Variants in IDH3B observed in about 807,000 individuals in gnomAD.
IDH3B encodes isocitrate dehydrogenase [NAD] subunit beta, mitochondrial.
Under a neutral mutation model 47.5 loss-of-function variants are expected in IDH3B, and 40 were observed. The ratio of observed to expected loss-of-function variants is 0.84; its 90% CI spans 0.65 to 1.10. The LOEUF is 1.10. Ranked by LOEUF, IDH3B falls within the 50% of genes least tolerant of loss-of-function variation. The pLI, the probability that IDH3B is intolerant of heterozygous loss-of-function variation, is 0.00. For synonymous variants in IDH3B, 185 were observed against 191.0 expected (o/e 0.97, Z 0.26); for missense variants, 450 against 505.2 (o/e 0.89, Z 1.05).
chr20:2,660,679 C>T lies in IDH3B; in HGVS notation c.531+18G>A. 1.2e-6 allele frequency: 2 copies of T among 1,614,218 alleles called. No homozygotes were observed. Among genetic ancestry groups the T allele is most frequent in the Non-Finnish European group, 1.7e-6 (2 of 1,180,042 alleles). ...TCCCATCTTCATCCTTGCCCTCCCC[C>T]AGTTTCTGGGGCCTCACCTCATGTT... is the stretch of plus-strand genomic sequence containing the variant. On this transcript the variant is annotated intron_variant, in intron 6 of 11. Transcript: ENST00000380843. The surrounding 1 kb of genome is among the most constrained non-coding windows in gnomAD (Gnocchi z 5.6).
At position 2,663,680 on chromosome 20, in the gene IDH3B, C is replaced by T. The variant is rs770148916; in HGVS notation, c.196G>A (p.Ala66Thr). The T allele has an allele frequency of 1.3e-5, 21 of 1,614,070 alleles. No individual in the cohort carries two copies. The Admixed American group carries it at 1.8e-4, about 14-fold the overall frequency. ...GDGVGPELMH[A>T]VKEVFKAAAV... ...CTCACCTTGAACACCTCCTTGACGG[C>T]GTGCATCAGCTCAGGCCCCACACCG... Residue 66 changes from alanine (A) to threonine (T), a missense_variant, in exon 3 of 12, where the codon GCC becomes ACC. Physicochemically the swap from Ala to Thr is moderately conservative, Grantham distance 58 (BLOSUM62 0). Coordinates refer to ENST00000380843, the MANE Select transcript of IDH3B (RefSeq NM_006899.5).
At chr20:2,659,925 G>C in intron 9 of IDH3B, 105 bp downstream of exon 9, 1 of 1,509,334 alleles carries the variant, frequency 6.6e-7, no homozygotes, top group South Asian at 1.1e-5. Context: ...TGGGCAGCGT[G>C]GGGGAAGAAC....
chr20:2,659,358 G>C, intron 11 of IDH3B, 167 bp downstream of exon 11: 1 of 1,578,762 alleles, frequency 6.3e-7, no homozygotes, highest in Non-Finnish European at 8.6e-7. Context: ...CAAGAGAAGG[G>C]AGATGAAGAA....
intron 11 of IDH3B, 194 bp downstream of exon 11, chr20:2,659,331 C>G: frequency 1.3e-6 from 2 of 1,553,430 alleles, no homozygotes; most frequent in East Asian, 2.3e-5. Flanking sequence ...CAAAAGAGAT[C>G]AAGAGGATGA....
At position 2,658,712 on chromosome 20, in the gene IDH3B, G is replaced by A. The variant is rs752421586; in HGVS notation, c.*39C>T. 4 of 1,614,142 alleles carry A rather than the reference G, an allele frequency of 2.5e-6. No individual in the cohort carries two copies. Among genetic ancestry groups the A allele is most frequent in the Non-Finnish European group, 2.5e-6 (3 of 1,180,014 alleles). On this transcript the variant is annotated 3_prime_UTR_variant, in exon 12 of 12. Coordinates refer to ENST00000380843, the MANE Select transcript of IDH3B (RefSeq NM_006899.5). ...TGGTACACTGCACTGAAGGGTATGG[G>A]GAGTGTGGTCCTTGCAAGGTTGGAA...
At chr20:2,663,084 G>A (rs1033286761) in intron 4 of IDH3B, among the ~76,000 whole-genome samples, 13 of 148,924 alleles carry the variant, frequency 8.7e-5, no homozygotes, top group African/African-American at 2.5e-4. Context: ...CCGAGATCGC[G>A]CCACTGCACT....
At position 2,658,573 on chromosome 20, in the gene IDH3B, A is replaced by G; in HGVS notation, c.*178T>C. The G allele has an allele frequency of 6.2e-7, 1 of 1,612,446 alleles. No individual in the cohort carries two copies. The highest frequency in any genetic ancestry group is 1.1e-5 in the South Asian group (1 of 90,740). The stretch of plus-strand genomic sequence containing the variant: ...ATGTGGCCTGGGCTCCATCCTAACA[A>G]TCCCCATCACCACCCAACAGTCTGT... On this transcript the variant is annotated 3_prime_UTR_variant, in exon 12 of 12. Transcript: ENST00000380843.
At chr20:2,659,937 G>C in intron 9 of IDH3B, 93 bp downstream of exon 9, 1 of 1,553,800 alleles carries the variant, frequency 6.4e-7, no homozygotes, top group Middle Eastern at 1.8e-4. Context: ...GGGAAGAACA[G>C]GCCAAGATCA....
chr20:2,658,873 G>GA (rs779541808), intron 11 of IDH3B, 36 bp from the exon 12 acceptor site: 9 of 1,613,616 alleles, frequency 5.6e-6, no homozygotes, highest in Non-Finnish European at 7.6e-6. Flanking sequence ...TGGGGAGGGA[G>GA]AAAAGAGAGC....
At chr20:2,663,624 A>G in intron 3 of IDH3B, 36 bp downstream of exon 3, 2 of 1,613,924 alleles carry the variant, frequency 1.2e-6, no homozygotes, top group Non-Finnish European at 1.7e-6. Flanking sequence ...CCAACACACT[A>G]CTGTCCTCTA....
Position 2,659,596 on chromosome 20 carries a change from G to A in IDH3B, c.1011-11C>T, listed in dbSNP as rs1016679039. 5.6e-6 allele frequency: 9 copies of A among 1,613,892 alleles called. No homozygotes were observed. The highest frequency in any genetic ancestry group is 5.3e-5 in the African/African-American group (4 of 74,930). On this transcript the variant is annotated splice_polypyrimidine_tract_variant and intron_variant, in intron 10 of 11. Transcript: ENST00000380843. ...GAGTGATACTCAAGACTGTGGATAT[G>A]GACAGGAAGAAACTGTGACTCCCCC...
At position 2,658,613 on chromosome 20, in the gene IDH3B, G is replaced by A. The variant is rs1451060321; in HGVS notation, c.*138C>T. The A allele has an allele frequency of 2.8e-5, 45 of 1,612,830 alleles. No individual in the cohort carries two copies. Among genetic ancestry groups the A allele is most frequent in the Middle Eastern group, 1.6e-4 (1 of 6,072 alleles). ...CAACAGTCTGTCCCCTAAGGAAGCC[G>A]GCCCAAGGACAACCTAGGCTCTACC... On this transcript the variant is annotated 3_prime_UTR_variant, in exon 12 of 12. Coordinates refer to ENST00000380843, the MANE Select transcript of IDH3B (RefSeq NM_006899.5).
chr20:2,660,673 C>A lies in IDH3B; in HGVS notation c.531+24G>T. On this transcript the variant is annotated intron_variant, in intron 6 of 11. Coordinates refer to ENST00000380843, the MANE Select transcript of IDH3B (RefSeq NM_006899.5). The surrounding 1 kb of genome is among the most constrained non-coding windows in gnomAD (Gnocchi z 5.6). ...CCTCTCTCCCATCTTCATCCTTGCC[C>A]TCCCCCAGTTTCTGGGGCCTCACCT... The A allele has an allele frequency of 1.2e-6, 2 of 1,614,180 alleles. No individual in the cohort carries two copies. The highest frequency in any genetic ancestry group is 2.2e-5 in the South Asian group (2 of 91,082).
At chr20:2,662,107 T>C (rs1298210723) in intron 4 of IDH3B, among the ~76,000 whole-genome samples, 1 of 152,170 alleles carries the variant, frequency 6.6e-6, no homozygotes, top group South Asian at 2.1e-4. Context: ...TGCCAACACC[T>C]TAATTTCAGA....
chr20:2,661,141 T>C (rs115810146), intron 4 of IDH3B, among the ~76,000 whole-genome samples, 172 bp from the exon 5 acceptor site: 179 of 152,086 alleles, frequency 1.2e-3, no homozygotes, highest in African/African-American at 3.9e-3. Context: ...GAGAATAATG[T>C]AGTTAAAGCC....
rs2086915557 is a variant in IDH3B at position 2,660,192 on chromosome 20, C to A, written c.769-16G>T. The A allele has an allele frequency of 6.2e-7, 1 of 1,614,130 alleles. No individual in the cohort carries two copies. The highest frequency in any genetic ancestry group is 8.5e-7 in the Non-Finnish European group (1 of 1,179,994). On this transcript the variant is annotated splice_polypyrimidine_tract_variant and intron_variant, in intron 8 of 11. Transcript: ENST00000380843. The surrounding 1 kb of genome is among the most constrained non-coding windows in gnomAD (Gnocchi z 5.6). ...TCTGCACCAGCTAGAGGGTGAGATG[C>A]AGGCATGAAGTAAATTCCACTCCCC... is the stretch of plus-strand genomic sequence containing the variant.
At chr20:2,662,305 G>A (rs1204745375) in intron 4 of IDH3B, among the ~76,000 whole-genome samples, 1 of 152,184 alleles carries the variant, frequency 6.6e-6, no homozygotes, top group Non-Finnish European at 1.5e-5. Flanking sequence ...TACATATTTG[G>A]AATCTAACAC....
chr20:2,663,908 G>A lies in IDH3B; in HGVS notation c.117+17C>T. ...GGACAGGGTCGTAAGAGAGACCCCAGCCAGATTCGTGCATACCTGGCTCCG... is the reference window on the plus strand; with the variant it reads ...GGACAGGGTCGTAAGAGAGACCCCAACCAGATTCGTGCATACCTGGCTCCG... On this transcript the variant is annotated intron_variant, in intron 2 of 11. Transcript: ENST00000380843. 1.9e-6 allele frequency: 3 copies of A among 1,613,262 alleles called. No homozygotes were observed. Among genetic ancestry groups the A allele is most frequent in the Non-Finnish European group, 2.5e-6 (3 of 1,179,290 alleles).
In IDH3B at chr20:2,658,412, TTGAACACCTTACATGGGTA is replaced by T; in HGVS notation, c.*320_*338del. On this transcript the variant is annotated 3_prime_UTR_variant, in exon 12 of 12. Coordinates refer to ENST00000380843, the MANE Select transcript of IDH3B (RefSeq NM_006899.5). ...CACAAGAGTTGGTTCATGTTCTTTATTGAACACCTTACATGGGTATGGACAGGGCCTATGGGTGGGGCAA... is the reference window on the plus strand; with the variant it reads ...CACAAGAGTTGGTTCATGTTCTTTATTGGACAGGGCCTATGGGTGGGGCAA... 6.2e-7 allele frequency: 1 copy of T among 1,613,516 alleles called. No individual in the cohort carries two copies. The highest frequency in any genetic ancestry group is 8.5e-7 in the Non-Finnish European group (1 of 1,179,628).
Sources: gnomAD v4.1 joint callset for allele counts (sites outside exome capture counted in the v4.1 genomes callset) on GRCh38, gnomAD v4.1.1 for gene constraint, Gnocchi (gnomAD v3.1) non-coding constraint, MANE v1.5 for transcripts, NCBI Gene and HGNC (gene_info 2026-07-23, HGNC 2026-07-21) for gene names.